The following ABCA10 variants were observed in gnomAD, a reference collection of about 807,000 sequenced individuals.
ABCA10 encodes the protein ATP binding cassette subfamily A member 10.
ABCA10 carries 169 observed loss-of-function variants against 187.5 expected under a neutral mutation model. The observed-to-expected ratio is 0.90, with a 90% CI of 0.80 to 1.02. The LOEUF (loss-of-function observed/expected upper bound fraction) is 1.02, where lower values mean the gene tolerates loss of function less well. Ranked by LOEUF, ABCA10 falls within the 50% of genes least tolerant of loss-of-function variation. ABCA10 has a pLI of 0.00. For missense variants in ABCA10, 1,727 were observed against 1,812.4 expected (o/e 0.95, Z 0.86); for synonymous variants, 574 against 601.8 (o/e 0.95, Z 0.68).
chr17:69,228,234 G>C (rs2074808360), intron 1 of ABCA10, among the ~76,000 whole-genome samples: 1 of 151,642 alleles, frequency 6.6e-6, no homozygotes, highest in Non-Finnish European at 1.5e-5. Context: ...AAGAACAAAA[G>C]AACACAGAAA....
In ABCA10 at chr17:69,148,767, GAATTATGGA is replaced by G. The variant is rs2074106748; in HGVS notation, c.*51_*59del. 6.8e-6 allele frequency: 9 copies of G among 1,320,236 alleles called. No individual in the cohort carries two copies. In the South Asian group the frequency reaches 1.2e-4, roughly 17 times the overall value. 81.8% of individuals were successfully genotyped at this position (1,320,236 alleles called of 1,614,324 possible). ...TGAAGTAAAAGGAAACATTCTTGTA[GAATTATGGA>G]AACTAACAATGTAGTAGGACCTAAA... On this transcript the variant is annotated 3_prime_UTR_variant, in exon 39 of 39. Coordinates refer to ENST00000690296, the MANE Select transcript of ABCA10 (RefSeq NM_001377321.1).
intron 22 of ABCA10, among the ~76,000 whole-genome samples, chr17:69,181,135 A>G (rs1325810497): frequency 6.6e-6 from 1 of 152,172 alleles, no homozygotes. Context: ...ATATACATAT[A>G]CATATGTGGG....
At chr17:69,149,948 A>T in intron 37 of ABCA10, 36 bp downstream of exon 37, 1 of 1,461,108 alleles carries the variant, frequency 6.8e-7, no homozygotes, top group East Asian at 2.3e-5. Context: ...TATGCAACCA[A>T]TACATAAAGT....
At chr17:69,238,655 T>A (rs146189837) in intron 1 of ABCA10, among the ~76,000 whole-genome samples, 42 of 152,338 alleles carry the variant, frequency 2.8e-4, no homozygotes, top group African/African-American at 9.1e-4. Flanking sequence ...TGATTGGGCA[T>A]TCTGTTTTCT....
Position 69,214,741 on chromosome 17 carries a change from A to G in ABCA10, c.969T>C (p.Tyr323=). ...GCTCAAAATATAATGTGAATATCAA[A>G]TAGAAAAGAGTATCAAATGCCAAAA... ...FFILAFDTLF[Y]LIFTLYFERV... The change falls in exon 9 of 39, where the codon TAT becomes TAC. Residue 323 remains tyrosine, a synonymous_variant. Coordinates refer to ENST00000690296, the MANE Select transcript of ABCA10 (RefSeq NM_001377321.1). 1 of 1,519,072 alleles carries G rather than the reference A, an allele frequency of 6.6e-7. No individual in the cohort carries two copies. Among genetic ancestry groups the G allele is most frequent in the Non-Finnish European group, 8.8e-7 (1 of 1,142,144 alleles). 94.1% of individuals were successfully genotyped at this position (1,519,072 alleles called of 1,614,324 possible).
At chr17:69,169,555 A>G (rs2074280936) in intron 25 of ABCA10, among the ~76,000 whole-genome samples, 1 of 152,240 alleles carries the variant, frequency 6.6e-6, no homozygotes, top group Non-Finnish European at 1.5e-5. Flanking sequence ...AAAAACAGCC[A>G]AGATACTTAA....
chr17:69,174,477 G>A, intron 24 of ABCA10, 83 bp from the exon 25 acceptor site: 1 of 1,438,026 alleles, frequency 7.0e-7, no homozygotes, highest in Non-Finnish European at 9.5e-7. Flanking sequence ...AGGTCATAAA[G>A]CTGCCTAAGG....
Position 69,225,465 on chromosome 17 carries a change from G to C in ABCA10, c.-107C>G. The C allele has an allele frequency of 8.5e-7, 1 of 1,177,948 alleles. No homozygotes were observed. The allele number at this position is 1,177,948 out of a possible 1,614,324, so 73.0% of individuals were successfully genotyped here. On this transcript the variant is annotated 5_prime_UTR_variant, in exon 3 of 39. An upstream open reading frame in the 5' UTR gains an earlier in-frame stop. Coordinates refer to ENST00000690296, the MANE Select transcript of ABCA10 (RefSeq NM_001377321.1). ...TTTAGGAGGTTGTTCAGGAAAACGG[G>C]TAGCTCTGAAGTGTTCCGAAAAGAT...
At chr17:69,171,405 T>C (rs2074296476) in intron 25 of ABCA10, among the ~76,000 whole-genome samples, 1 of 152,006 alleles carries the variant, frequency 6.6e-6, no homozygotes, top group Non-Finnish European at 1.5e-5. Context: ...TTAAAACAAG[T>C]GAATTGGAAG....
At chr17:69,167,968 A>G (rs2074266707) in intron 25 of ABCA10, among the ~76,000 whole-genome samples, 1 of 152,052 alleles carries the variant, frequency 6.6e-6, no homozygotes, top group African/African-American at 2.4e-5. Context: ...TGACACCCCT[A>G]AGACAGCAAG....
At chr17:69,191,657 ATGTG>A (rs138548677) in intron 16 of ABCA10, among the ~76,000 whole-genome samples, 1 of 151,852 alleles carries the variant, frequency 6.6e-6, no homozygotes, top group Non-Finnish European at 1.5e-5. Context: ...AAGTTATTTT[ATGTG>A]TGTGTATATA....
Position 69,185,170 on chromosome 17 carries a change from G to A in ABCA10, c.2497+307C>T, listed in dbSNP as rs143569542. On this transcript the variant is annotated intron_variant, in intron 20 of 38. Coordinates refer to ENST00000690296, the MANE Select transcript of ABCA10 (RefSeq NM_001377321.1). Reference sequence around the variant, plus strand: ...GGGAAAGGGTGGGACGGGGTTGAGGGATAAAAGACTACACATTGAGTGTAG... The same window carrying A: ...GGGAAAGGGTGGGACGGGGTTGAGGAATAAAAGACTACACATTGAGTGTAG... Among the ~76,000 whole-genome samples the A allele has an allele frequency of 1.6e-3, 249 of 152,078 alleles. 2 individuals carry two copies. Among genetic ancestry groups the A allele is most frequent in the African/African-American group, 5.7e-3 (236 of 41,482 alleles).
chr17:69,209,965 CAA>C (rs1299010044), intron 9 of ABCA10, among the ~76,000 whole-genome samples: 1 of 151,932 alleles, frequency 6.6e-6, no homozygotes, highest in South Asian at 2.1e-4. Context: ...CCATCATTGA[CAA>C]AAACATTGTT....
At chr17:69,226,830 A>G (rs2144854493) in intron 2 of ABCA10, among the ~76,000 whole-genome samples, 1 of 152,042 alleles carries the variant, frequency 6.6e-6, no homozygotes, top group East Asian at 1.9e-4. Flanking sequence ...AAGTTAGCTA[A>G]GAGTAAATCA....
intron 9 of ABCA10, among the ~76,000 whole-genome samples, chr17:69,202,444 G>C (rs968405703): frequency 2.2e-4 from 33 of 152,236 alleles, no homozygotes; most frequent in African/African-American, 7.9e-4. Context: ...TATTAAGAAT[G>C]TTAAGGTAGA....
Position 69,185,645 on chromosome 17 carries a change from T to C in ABCA10, c.2331-2A>G, listed in dbSNP as rs765484700. 32 of 1,579,166 alleles carry C rather than the reference T, an allele frequency of 2.0e-5. No homozygotes were observed. The highest frequency in any genetic ancestry group is 2.7e-5 in the African/African-American group (2 of 73,936). ...AAAGCAATTCCAAGTACTAGTAACC[T>C]AAGTAAAACAAAATTATAACATGAG... On this transcript the variant is annotated splice_acceptor_variant, in intron 19 of 38. Transcript: ENST00000690296. LOFTEE classifies it high-confidence loss of function.
intron 14 of ABCA10, 41 bp from the exon 15 acceptor site, chr17:69,193,289 A>G: frequency 6.3e-7 from 1 of 1,597,814 alleles, no homozygotes; most frequent in East Asian, 2.2e-5. Context: ...TCCTCTTCAC[A>G]GTGAGGATCT....
chr17:69,185,300 A>C (rs1246434211), intron 20 of ABCA10, among the ~76,000 whole-genome samples, 177 bp downstream of exon 20: 1 of 152,204 alleles, frequency 6.6e-6, no homozygotes, highest in Non-Finnish European at 1.5e-5. Context: ...CTATTGAAAT[A>C]AAGATAATAC....
chr17:69,240,077 G>C (rs1270836942), intron 1 of ABCA10, among the ~76,000 whole-genome samples: 3 of 152,106 alleles, frequency 2.0e-5, no homozygotes, highest in African/African-American at 4.8e-5. Context: ...AAATCCTTTA[G>C]GCCAGAAGAG....
Sources: gnomAD v4.1 joint callset for allele counts (sites outside exome capture counted in the v4.1 genomes callset) on GRCh38, gnomAD v4.1.1 for gene constraint, MANE v1.5 for transcripts, NCBI Gene and HGNC (gene_info 2026-07-23, HGNC 2026-07-21) for gene names.